The following MACROD2 variants were observed in gnomAD, a reference collection of about 807,000 sequenced individuals.
MACROD2 encodes the protein mono-ADP ribosylhydrolase 2, also known as ADP-ribose glycohydrolase MACROD2.
In MACROD2, 36 loss-of-function variants were observed where a neutral mutation model predicts 70.4. The ratio of observed to expected loss-of-function variants is 0.51; its 90% confidence interval spans 0.39 to 0.68. MACROD2 has a LOEUF of 0.68. Ranked by LOEUF, MACROD2 falls within the 30% of genes least tolerant of loss-of-function variation. The pLI is 0.00. For missense variants in MACROD2, 496 were observed against 538.4 expected (o/e 0.92, Z 0.78); for synonymous variants, 172 against 178.8 (o/e 0.96, Z 0.30).
chr20:15,365,320 A>C (rs112087553), intron 6 of MACROD2, among the ~76,000 whole-genome samples: 60 of 152,292 alleles, frequency 3.9e-4, no homozygotes, highest in African/African-American at 1.3e-3. Context: ...AGTAAGCCAC[A>C]AACTTGGAGC....
At chr20:15,755,905 A>G (rs2235763) in intron 8 of MACROD2, among the ~76,000 whole-genome samples, 16,902 of 152,228 alleles carry the variant, frequency 0.11, 1,086 homozygotes, top group Admixed American at 0.14. Context: ...CTCTTCCTGT[A>G]TTAGGTACCA....
At chr20:16,002,845 A>G (rs762483403) in intron 15 of MACROD2, among the ~76,000 whole-genome samples, 13 of 152,132 alleles carry the variant, frequency 8.5e-5, no homozygotes, top group Non-Finnish European at 1.6e-4. Context: ...TCGCATCCAA[A>G]TTTAGAACAC....
intron 5 of MACROD2, among the ~76,000 whole-genome samples, chr20:14,995,420 A>G (rs948459416): frequency 1.3e-5 from 2 of 152,118 alleles, no homozygotes; most frequent in Admixed American, 6.5e-5. Context: ...TCACACCTGT[A>G]ATCCCCACAC....
intron 8 of MACROD2, among the ~76,000 whole-genome samples, chr20:15,554,552 A>G (rs1360602316): frequency 6.6e-6 from 1 of 151,924 alleles, no homozygotes; most frequent in Non-Finnish European, 1.5e-5. Flanking sequence ...TGGCCAAAAA[A>G]AAAAAAAAAG....
intron 5 of MACROD2, among the ~76,000 whole-genome samples, chr20:14,802,150 G>A (rs2072584434): frequency 6.6e-6 from 1 of 152,044 alleles, no homozygotes; most frequent in South Asian, 2.1e-4. Flanking sequence ...TGCAGAAGAA[G>A]CCTGAGACAG....
chr20:15,576,003 A>C lies in MACROD2; in HGVS notation c.645+76156A>C, dbSNP rs569406173. On this transcript the variant is annotated intron_variant, in intron 8 of 17. Coordinates refer to ENST00000684519, the MANE Select transcript of MACROD2 (RefSeq NM_001351661.2). ...TGTTCACTTATGGTTTCATCCATCT[A>C]TTCATTCAACTTATTGATTCAAACA... is the stretch of plus-strand genomic sequence containing the variant. 2.8e-3 allele frequency among the ~76,000 whole-genome samples: 426 copies of C among 152,276 alleles called. 1 individual carries two copies. The highest frequency in any genetic ancestry group is 6.8e-3 in the Middle Eastern group (2 of 294).
chr20:14,890,580 C>A (rs1005188946), intron 5 of MACROD2, among the ~76,000 whole-genome samples: 1 of 151,698 alleles, frequency 6.6e-6, no homozygotes, highest in Non-Finnish European at 1.5e-5. Flanking sequence ...CCAGCCTGGG[C>A]AACATAGTGA....
At chr20:14,144,657 G>A (rs917817394) in intron 3 of MACROD2, among the ~76,000 whole-genome samples, 1 of 152,188 alleles carries the variant, frequency 6.6e-6, no homozygotes, top group Non-Finnish European at 1.5e-5. Flanking sequence ...AAGTTCTATA[G>A]TATTCTTAAG....
At chr20:14,050,362 C>T (rs1290442332) in intron 2 of MACROD2, among the ~76,000 whole-genome samples, 3 of 152,110 alleles carry the variant, frequency 2.0e-5, no homozygotes, top group Non-Finnish European at 4.4e-5. Flanking sequence ...GTAAAGCCTT[C>T]CTTATTTTGG....
intron 3 of MACROD2, among the ~76,000 whole-genome samples, chr20:14,166,238 A>G (rs373382099): frequency 6.6e-6 from 1 of 152,162 alleles, no homozygotes; most frequent in African/African-American, 2.4e-5. Flanking sequence ...TATGGATTAT[A>G]GGAAATATTT....
rs2055095233 is a variant in MACROD2 at position 14,155,859 on chromosome 20, T to C, written c.271+70131T>C. Reference sequence around the variant, plus strand: ...TTTAATTATAAATATCAGTTTTTAATTTACAATGGCTACATTAATTAGCTG... The same window carrying C: ...TTTAATTATAAATATCAGTTTTTAACTTACAATGGCTACATTAATTAGCTG... On this transcript the variant is annotated intron_variant, in intron 3 of 17. Transcript: ENST00000684519. Among the ~76,000 whole-genome samples, 4 of 152,190 alleles carry C rather than the reference T, an allele frequency of 2.6e-5. No individual in the cohort carries two copies. In the East Asian group the frequency reaches 7.7e-4, roughly 29 times the overall value.
At chr20:15,521,522 A>G (rs188542120) in intron 8 of MACROD2, among the ~76,000 whole-genome samples, 1 of 152,352 alleles carries the variant, frequency 6.6e-6, no homozygotes, top group Non-Finnish European at 1.5e-5. Flanking sequence ...ATTGTGGAGA[A>G]TGCTAAAGTA....
rs553062513 is a variant in MACROD2, at chr20:14,506,371, G to A, written c.301+12863G>A. 2.0e-5 allele frequency among the ~76,000 whole-genome samples: 3 copies of A among 152,212 alleles called. No homozygotes were observed. In the South Asian group the frequency reaches 6.2e-4, roughly 32 times the overall value. On this transcript the variant is annotated intron_variant, in intron 4 of 17. Coordinates refer to ENST00000684519, the MANE Select transcript of MACROD2 (RefSeq NM_001351661.2). ...TTGTAAATGGCCTTAACCGTGGAAT[G>A]CACTTCCCTACCCATATAAAGATCT... is the stretch of plus-strand genomic sequence containing the variant.
chr20:15,428,595 T>C (rs1568801107), intron 6 of MACROD2, among the ~76,000 whole-genome samples: 2 of 152,188 alleles, frequency 1.3e-5, no homozygotes, highest in South Asian at 2.1e-4. Flanking sequence ...GTCTTTCTTA[T>C]CACTTCACCC....
intron 12 of MACROD2, among the ~76,000 whole-genome samples, chr20:15,953,291 A>C (rs1258870348): frequency 6.6e-6 from 1 of 152,168 alleles, no homozygotes; most frequent in African/African-American, 2.4e-5. Flanking sequence ...AAATTCTAGC[A>C]TTCTATAGCA....
At chr20:15,565,510 T>C (rs1423389726) in intron 8 of MACROD2, among the ~76,000 whole-genome samples, 1 of 152,198 alleles carries the variant, frequency 6.6e-6, no homozygotes, top group Non-Finnish European at 1.5e-5. Context: ...TACCAAATAG[T>C]GTGAGATCCT....
chr20:15,882,273 T>G (rs529831038), intron 9 of MACROD2, among the ~76,000 whole-genome samples: 2 of 152,152 alleles, frequency 1.3e-5, no homozygotes, highest in South Asian at 4.2e-4. Context: ...TCTCTTCTTC[T>G]TCATAGGGGA....
At chr20:15,487,978 A>AT (rs1215923903) in intron 7 of MACROD2, among the ~76,000 whole-genome samples, 2 of 152,168 alleles carry the variant, frequency 1.3e-5, no homozygotes, top group Admixed American at 1.3e-4. Flanking sequence ...GTGAGAGCAT[A>AT]AAAGCTCCAT....
chr20:14,670,041 T>G (rs1023974422), intron 4 of MACROD2, among the ~76,000 whole-genome samples: 1 of 152,012 alleles, frequency 6.6e-6, no homozygotes, highest in African/African-American at 2.4e-5. Context: ...ATTGTGAATT[T>G]TTTCTTTTCA....
Sources: allele counts gnomAD v4.1 joint callset (sites outside exome capture counted in the v4.1 genomes callset), GRCh38; gene constraint gnomAD v4.1.1; transcripts MANE v1.5; gene names NCBI Gene and HGNC (gene_info 2026-07-23, HGNC 2026-07-21).